LRP1B: variants seen among roughly 807,000 people sequenced by gnomAD.
The protein encoded by LRP1B is low-density lipoprotein receptor-related protein 1B.
A neutral mutation model predicts 556.6 loss-of-function variants in LRP1B; 217 were observed. The observed-to-expected ratio is 0.39, with a 90% CI of 0.35 to 0.44. The LOEUF (loss-of-function observed/expected upper bound fraction) is 0.44, where lower values mean the gene tolerates loss of function less well. Ranked by LOEUF, LRP1B falls within the 20% of genes least tolerant of loss-of-function variation. The pLI, the probability that LRP1B is intolerant of heterozygous loss-of-function variation, is 1.00. For synonymous variants in LRP1B, 2,047 were observed against 1,865.8 expected (o/e 1.10, Z -2.50); for missense variants, 5,053 against 5,620.8 (o/e 0.90, Z 3.23).
chr2:141,056,527 C>T (rs1699182778), intron 9 of LRP1B, among the ~76,000 whole-genome samples: 1 of 151,830 alleles, frequency 6.6e-6, no homozygotes, highest in Admixed American at 6.6e-5. Flanking sequence ...CATATATTCA[C>T]TTAATTCTGA....
intron 1 of LRP1B, among the ~76,000 whole-genome samples, chr2:142,106,414 T>C (rs1447484402): frequency 1.3e-5 from 2 of 152,140 alleles, no homozygotes; most frequent in Non-Finnish European, 2.9e-5. Flanking sequence ...TAAGCTGTAA[T>C]TAGTTACATT....
intron 11 of LRP1B, among the ~76,000 whole-genome samples, chr2:141,021,958 A>G (rs1402365234): frequency 6.6e-6 from 1 of 151,930 alleles, no homozygotes; most frequent in African/African-American, 2.4e-5. Flanking sequence ...ATTAAAAAAT[A>G]TTTTATATCT....
intron 7 of LRP1B, among the ~76,000 whole-genome samples, chr2:141,084,494 TTTG>T (rs1457299515): frequency 6.6e-6 from 1 of 152,188 alleles, no homozygotes; most frequent in African/African-American, 2.4e-5. Context: ...CCAATTATAT[TTTG>T]TTGTTGCATG....
intron 18 of LRP1B, among the ~76,000 whole-genome samples, chr2:140,960,691 G>C (rs1696008079): frequency 6.6e-6 from 1 of 151,854 alleles, no homozygotes; most frequent in African/African-American, 2.4e-5. Flanking sequence ...TACATTTATA[G>C]TTAAAAGTAC....
intron 3 of LRP1B, among the ~76,000 whole-genome samples, chr2:141,410,870 C>A (rs1425992042): frequency 6.6e-6 from 1 of 151,960 alleles, no homozygotes; most frequent in African/African-American, 2.4e-5. Flanking sequence ...TTACTTTAAG[C>A]TGTAACACAA....
At chr2:140,867,926 G>A (rs188830324) in intron 26 of LRP1B, 92 bp from the exon 27 acceptor site, 2 of 1,368,626 alleles carry the variant, frequency 1.5e-6, no homozygotes, top group South Asian at 1.7e-5. Flanking sequence ...GACAAAAAAG[G>A]TATTTTATAA....
At chr2:140,512,159 T>C (rs1190889925) in intron 51 of LRP1B, among the ~76,000 whole-genome samples, 1 of 152,158 alleles carries the variant, frequency 6.6e-6, no homozygotes, top group African/African-American at 2.4e-5. Flanking sequence ...TGTATGACCT[T>C]GATGAAGACT....
At chr2:140,336,238 A>G (rs566041546) in intron 77 of LRP1B, among the ~76,000 whole-genome samples, 12 of 152,092 alleles carry the variant, frequency 7.9e-5, no homozygotes, top group Non-Finnish European at 1.6e-4. Flanking sequence ...TTTGTTCAAC[A>G]TCATGACTAT....
rs762783929 is a variant in LRP1B, at chr2:140,364,780, C to A, written c.11012G>T (p.Gly3671Val). 1.2e-6 allele frequency: 2 copies of A among 1,608,416 alleles called. No homozygotes were observed. The highest frequency in any genetic ancestry group is 2.7e-5 in the African/African-American group (2 of 74,472). ...GSDEENCERG[G>V]NICRADEFLC... is the part of the protein sequence containing the mutation. ...GAACTCATCAGCTCTACATATATTT[C>A]CTCCTTTATTTTAAAACAAAAAGAA... The change falls in exon 72 of 91, where the codon GGA becomes GTA. Residue 3671 changes from glycine (G) to valine (V), a missense_variant. By Grantham distance (109) the Gly-to-Val change is moderately radical. Around this residue, in one of 5 missense-constraint regions of LRP1B, gnomAD observed 599 missense variants for 648.4 expected, o/e 0.92. Coordinates refer to ENST00000389484, the MANE Select transcript of LRP1B (RefSeq NM_018557.3).
intron 1 of LRP1B, among the ~76,000 whole-genome samples, chr2:141,911,258 T>A (rs1225855403): frequency 6.6e-6 from 1 of 152,202 alleles, no homozygotes; most frequent in Non-Finnish European, 1.5e-5. Context: ...TTTAATGCAA[T>A]CTCTCTTTAA....
intron 1 of LRP1B, among the ~76,000 whole-genome samples, chr2:141,893,616 T>C (rs1298885684): frequency 6.6e-6 from 1 of 152,180 alleles, no homozygotes; most frequent in Non-Finnish European, 1.5e-5. Context: ...TATTGCCAAA[T>C]GGATGAAGTC....
At chr2:141,730,697 G>T (rs1331517892) in intron 2 of LRP1B, among the ~76,000 whole-genome samples, 1 of 152,078 alleles carries the variant, frequency 6.6e-6, no homozygotes. Flanking sequence ...ATTATTAAGG[G>T]TGATAAAAAA....
chr2:141,032,839 A>G (rs1480124512), intron 11 of LRP1B, among the ~76,000 whole-genome samples: 1 of 149,914 alleles, frequency 6.7e-6, no homozygotes, highest in Admixed American at 6.7e-5. Flanking sequence ...ATATATATAT[A>G]TGCAGGCATA....
chr2:141,363,664 A>G (rs1688917669), intron 3 of LRP1B, among the ~76,000 whole-genome samples: 1 of 152,146 alleles, frequency 6.6e-6, no homozygotes, highest in African/African-American at 2.4e-5. Context: ...AGTCTTTTAG[A>G]TACTTCTCAA....
chr2:141,682,023 C>T (rs1180043425), intron 2 of LRP1B, among the ~76,000 whole-genome samples: 3 of 151,892 alleles, frequency 2.0e-5, no homozygotes, highest in African/African-American at 7.3e-5. Flanking sequence ...TGCTTTTTTT[C>T]AGGTTCAGAG....
chr2:142,121,961 A>C (rs923776503), intron 1 of LRP1B, among the ~76,000 whole-genome samples: 1 of 152,186 alleles, frequency 6.6e-6, no homozygotes, highest in Non-Finnish European at 1.5e-5. Flanking sequence ...TCTTGCTATT[A>C]GTAACTCATA....
chr2:140,440,773 C>A (rs976684179), intron 66 of LRP1B, among the ~76,000 whole-genome samples: 8 of 96,594 alleles, frequency 8.3e-5, no homozygotes, highest in African/African-American at 3.3e-4. Flanking sequence ...ACACACTGGT[C>A]TGGAACTTAC....
At chr2:141,905,120 T>A (rs1260304418) in intron 1 of LRP1B, among the ~76,000 whole-genome samples, 1 of 151,884 alleles carries the variant, frequency 6.6e-6, no homozygotes, top group African/African-American at 2.4e-5. Context: ...TGGATGATAT[T>A]AAGGTAGTTT....
At chr2:141,307,028 G>T (rs1686616602) in intron 3 of LRP1B, among the ~76,000 whole-genome samples, 1 of 152,040 alleles carries the variant, frequency 6.6e-6, no homozygotes, top group Non-Finnish European at 1.5e-5. Context: ...TCAAAATATG[G>T]TCTATCTGGA....
Sources: gnomAD v4.1 joint callset for allele counts (sites outside exome capture counted in the v4.1 genomes callset) on GRCh38, gnomAD v4.1.1 for gene constraint, gnomAD v4.1.1 regional missense constraint, MANE v1.5 for transcripts, NCBI Gene and HGNC (gene_info 2026-07-23, HGNC 2026-07-21) for gene names.